The following APH1B variants were observed in gnomAD, a reference collection of about 807,000 sequenced individuals.
APH1B encodes aph-1B gamma-secretase subunit.
Under a neutral mutation model 28.2 loss-of-function variants are expected in APH1B, and 27 were observed. That is an observed-to-expected ratio of 0.96 (90% CI 0.70 to 1.32). The LOEUF (loss-of-function observed/expected upper bound fraction) is 1.32, where lower values mean the gene tolerates loss of function less well. Among genes scored for constraint, APH1B ranks in the 40% most tolerant of loss-of-function variants. The pLI is 0.00. For synonymous variants in APH1B, 141 were observed against 124.6 expected (o/e 1.13, Z -0.88); for missense variants, 305 against 313.6 (o/e 0.97, Z 0.21).
At chr15:63,279,026 G>C (rs2152591005) in intron 1 of APH1B, 135 bp from the exon 2 acceptor site, 1 of 684,926 alleles carries the variant, frequency 1.5e-6, no homozygotes, top group South Asian at 3.4e-5. Context: ...ATCACTTTAT[G>C]AGGACTTTCT....
chr15:63,283,034 A>G (rs753432991), intron 2 of APH1B, among the ~76,000 whole-genome samples: 11 of 152,208 alleles, frequency 7.2e-5, no homozygotes, highest in Admixed American at 3.3e-4. Flanking sequence ...CTTCAGTAAG[A>G]TGGACGTGAA....
intron 4 of APH1B, among the ~76,000 whole-genome samples, chr15:63,300,797 A>G (rs146241260): frequency 2.0e-5 from 3 of 152,372 alleles, no homozygotes; most frequent in African/African-American, 7.2e-5. Context: ...TAGAATTCAT[A>G]TCAATGAAAT....
At position 63,304,632 on chromosome 15, in the gene APH1B, TAATA is replaced by T. The variant is rs1382111523; in HGVS notation, c.607-977_607-974del. Among the ~76,000 whole-genome samples, 1 of 152,236 alleles carries T rather than the reference TAATA, an allele frequency of 6.6e-6. No homozygotes were observed. Among genetic ancestry groups the T allele is most frequent in the Non-Finnish European group, 1.5e-5 (1 of 68,030 alleles). ...TTATGGTTTCACTTTTTGAGCTTTT[TAATA>T]AATATTAACCTAGCTGAATTTTAAG... is the stretch of plus-strand genomic sequence containing the variant. On this transcript the variant is annotated intron_variant, in intron 5 of 5. Coordinates refer to ENST00000261879, the MANE Select transcript of APH1B (RefSeq NM_031301.4). The surrounding 1 kb of genome is among the most constrained non-coding windows in gnomAD (Gnocchi z 5.1).
Position 63,287,530 on chromosome 15 carries a change from A to G in APH1B, c.462A>G (p.Gln154=), listed in dbSNP as rs746292471. ...GTVGIHGDSP[Q]FFLYSAFMTL... ...TGGGCATTCATGGAGATTCTCCTCAATTCTTCCTTTATTCAGGTATGTGTC... is the reference window on the plus strand; with the variant it reads ...TGGGCATTCATGGAGATTCTCCTCAGTTCTTCCTTTATTCAGGTATGTGTC... Residue 154 remains glutamine, a synonymous_variant, in exon 4 of 6, where the codon CAA becomes CAG. Transcript: ENST00000261879. 21 of 1,613,972 alleles carry G rather than the reference A, an allele frequency of 1.3e-5. No individual in the cohort carries two copies. In the East Asian group the frequency reaches 1.8e-4, roughly 14 times the overall value.
chr15:63,293,016 G>C (rs1208498696), intron 4 of APH1B, among the ~76,000 whole-genome samples: 1 of 152,162 alleles, frequency 6.6e-6, no homozygotes, highest in Non-Finnish European at 1.5e-5. Flanking sequence ...TGAATGGCTA[G>C]GCTCTGCTGA....
In APH1B at chr15:63,302,502, T is replaced by C. The variant is rs1394977207; in HGVS notation, c.606+30T>C. 1.9e-6 allele frequency: 3 copies of C among 1,603,988 alleles called. No homozygotes were observed. The South Asian group carries it at 3.3e-5, about 18-fold the overall frequency. ...GTGTTGCCGCCATGCTCAGACTGTA[T>C]TCTGGAACTCAAGTCTATGTATCTA... is the stretch of plus-strand genomic sequence containing the variant. On this transcript the variant is annotated intron_variant, in intron 5 of 5. Coordinates refer to ENST00000261879, the MANE Select transcript of APH1B (RefSeq NM_031301.4).
chr15:63,305,699 C>CG lies in APH1B; in HGVS notation c.695dup (p.Gly233ArgfsTer41), dbSNP rs2038680117. On this transcript the variant is annotated frameshift_variant, in exon 6 of 6. Coordinates refer to ENST00000261879, the MANE Select transcript of APH1B (RefSeq NM_031301.4). LOFTEE classifies it high-confidence loss of function. ...ATGGGCACCTGGGCATTCTTAGCTG[C>CG]GGGAGGCAGCTGCCGAAGCCTGAAA... The CG allele has an allele frequency of 6.2e-7, 1 of 1,614,176 alleles. No individual in the cohort carries two copies. The highest frequency in any genetic ancestry group is 1.3e-5 in the African/African-American group (1 of 75,034).
chr15:63,277,768 C>T, intron 1 of APH1B, 32 bp downstream of exon 1: 1 of 1,590,502 alleles, frequency 6.3e-7, no homozygotes. Context: ...ACCCGGACGC[C>T]GGGGCTCCCC....
intron 4 of APH1B, among the ~76,000 whole-genome samples, chr15:63,289,537 C>T (rs1595761152): frequency 6.6e-6 from 1 of 152,172 alleles, no homozygotes; most frequent in Non-Finnish European, 1.5e-5. Context: ...GCTCCAACAT[C>T]CAAAACTTCC....
chr15:63,302,774 C>T (rs768331558), intron 5 of APH1B, among the ~76,000 whole-genome samples: 1 of 152,098 alleles, frequency 6.6e-6, no homozygotes, highest in African/African-American at 2.4e-5. Flanking sequence ...GGAAAAGTTG[C>T]GTATTCCAGA....
rs528085646 is a variant in APH1B at position 63,304,274 on chromosome 15, T to C, written c.607-1340T>C. 2.0e-5 allele frequency among the ~76,000 whole-genome samples: 3 copies of C among 152,146 alleles called. No homozygotes were observed. The highest frequency in any genetic ancestry group is 4.4e-5 in the Non-Finnish European group (3 of 68,018). On this transcript the variant is annotated intron_variant, in intron 5 of 5. Coordinates refer to ENST00000261879, the MANE Select transcript of APH1B (RefSeq NM_031301.4). The surrounding 1 kb of genome is among the most constrained non-coding windows in gnomAD (Gnocchi z 5.1). ...CACCCTCAGTGGGGGCAGGGACTGGTGGAACAGGGAGGCTCCTGGGGGCTG... is the reference window on the plus strand; with the variant it reads ...CACCCTCAGTGGGGGCAGGGACTGGCGGAACAGGGAGGCTCCTGGGGGCTG...
chr15:63,304,296 G>T lies in APH1B; in HGVS notation c.607-1318G>T, dbSNP rs977312517. On this transcript the variant is annotated intron_variant, in intron 5 of 5. Coordinates refer to ENST00000261879, the MANE Select transcript of APH1B (RefSeq NM_031301.4). This position sits in a 1 kb window ranked among gnomAD's most constrained non-coding sequence, Gnocchi z 5.1. ...TGGTGGAACAGGGAGGCTCCTGGGG[G>T]CTGAGAATGTTTTGATTTTCATCTA... is the stretch of plus-strand genomic sequence containing the variant. Among the ~76,000 whole-genome samples the T allele has an allele frequency of 2.0e-5, 3 of 152,154 alleles. No homozygotes were observed. The highest frequency in any genetic ancestry group is 4.4e-5 in the Non-Finnish European group (3 of 68,026).
intron 4 of APH1B, among the ~76,000 whole-genome samples, chr15:63,297,232 A>G (rs976062675): frequency 6.6e-6 from 1 of 152,194 alleles, no homozygotes; most frequent in African/African-American, 2.4e-5. Flanking sequence ...TGGCTTAAGA[A>G]TATTAGAACA....
Position 63,290,328 on chromosome 15 carries a change from ATTTC to A in APH1B, c.478+2785_478+2788del, listed in dbSNP as rs768855807. Among the ~76,000 whole-genome samples, 23 of 152,240 alleles carry A rather than the reference ATTTC, an allele frequency of 1.5e-4. 1 individual carries two copies. The South Asian group carries it at 2.3e-3, about 15-fold the overall frequency. ...ATTAAATTTTACTAGAATCATTACC[ATTTC>A]TTGGTAATTTTGTATAGAGACAAAA... is the stretch of plus-strand genomic sequence containing the variant. On this transcript the variant is annotated intron_variant, in intron 4 of 5. Transcript: ENST00000261879.
At chr15:63,292,650 A>T (rs1289928524) in intron 4 of APH1B, among the ~76,000 whole-genome samples, 2 of 152,108 alleles carry the variant, frequency 1.3e-5, no homozygotes, top group African/African-American at 4.8e-5. Context: ...TCAGCCTCCC[A>T]AAGTGCTGGG....
chr15:63,305,597 T>A lies in APH1B; in HGVS notation c.607-17T>A. 6.2e-7 allele frequency: 1 copy of A among 1,613,280 alleles called. No individual in the cohort carries two copies. Among genetic ancestry groups the A allele is most frequent in the Non-Finnish European group, 8.5e-7 (1 of 1,179,692 alleles). ...GCTTGCTGTTATTACCCAAGCTGATTTATTTTTCTTTTGCAGACCTTCATA... is the reference window on the plus strand; with the variant it reads ...GCTTGCTGTTATTACCCAAGCTGATATATTTTTCTTTTGCAGACCTTCATA... On this transcript the variant is annotated splice_polypyrimidine_tract_variant and intron_variant, in intron 5 of 5. Coordinates refer to ENST00000261879, the MANE Select transcript of APH1B (RefSeq NM_031301.4).
intron 2 of APH1B, among the ~76,000 whole-genome samples, chr15:63,281,109 C>T (rs1028209483): frequency 2.0e-5 from 3 of 151,936 alleles, no homozygotes; most frequent in African/African-American, 7.3e-5. Flanking sequence ...GTGCTCCATT[C>T]TGGGAGACAG....
chr15:63,288,272 C>A (rs1171415900), intron 4 of APH1B, among the ~76,000 whole-genome samples: 2 of 152,026 alleles, frequency 1.3e-5, no homozygotes, highest in Non-Finnish European at 2.9e-5. Context: ...AGCTTATCCT[C>A]TAATAAGGGA....
At chr15:63,278,954 T>G (rs1423540355) in intron 1 of APH1B, among the ~76,000 whole-genome samples, 1 of 152,236 alleles carries the variant, frequency 6.6e-6, no homozygotes, top group African/African-American at 2.4e-5. Context: ...AACCTCAGCC[T>G]TCCTCTTGGA....
Sources: gnomAD v4.1 joint callset for allele counts (sites outside exome capture counted in the v4.1 genomes callset) on GRCh38, gnomAD v4.1.1 for gene constraint, Gnocchi (gnomAD v3.1) non-coding constraint, MANE v1.5 for transcripts, NCBI Gene and HGNC (gene_info 2026-07-23, HGNC 2026-07-21) for gene names.